Variants in TUSC3 observed in about 807,000 individuals in gnomAD.
TUSC3 encodes tumor suppressor candidate 3.
TUSC3 carries 45 observed loss-of-function variants against 44.8 expected under a neutral mutation model. The ratio of observed to expected loss-of-function variants is 1.00; its 90% CI spans 0.79 to 1.29. The LOEUF is 1.29. Ranked by LOEUF, TUSC3 falls within the 50% of genes most tolerant of loss-of-function variation. TUSC3 has a pLI of 0.00. For synonymous variants in TUSC3, 212 were observed against 152.9 expected (o/e 1.39, Z -2.85); for missense variants, 519 against 437.9 (o/e 1.19, Z -1.65).
At chr8:15,843,625 C>CAT in the TUSC3 span, among the ~76,000 whole-genome samples, 3 of 138,998 alleles carry the variant, frequency 2.2e-5, no homozygotes, top group African/African-American at 9.9e-5. Context: ...TATATATACA[C>CAT]GCACATACAC....
intron 1 of TUSC3, among the ~76,000 whole-genome samples, chr8:15,417,924 G>C (rs1413080247): frequency 6.6e-6 from 1 of 152,154 alleles, no homozygotes; most frequent in African/African-American, 2.4e-5. Flanking sequence ...CGATATTAAT[G>C]AGATGTGGGA....
At chr8:15,474,078 C>T (rs1168911581) in intron 1 of TUSC3, among the ~76,000 whole-genome samples, 1 of 152,148 alleles carries the variant, frequency 6.6e-6, no homozygotes, top group Admixed American at 6.5e-5. Context: ...ATTATTAATA[C>T]TCCTTGCTAG....
At chr8:15,431,380 T>C (rs1233491474) in intron 1 of TUSC3, among the ~76,000 whole-genome samples, 2 of 151,952 alleles carry the variant, frequency 1.3e-5, no homozygotes, top group African/African-American at 4.8e-5. Flanking sequence ...TTAGTTTTCA[T>C]TGTACAAGTC....
intron 2 of TUSC3, among the ~76,000 whole-genome samples, chr8:15,505,920 T>A (rs1397476233): frequency 6.6e-6 from 1 of 152,174 alleles, no homozygotes; most frequent in Non-Finnish European, 1.5e-5. Context: ...CCCAATCTGG[T>A]CATACAAACA....
At chr8:15,797,299 A>C in the TUSC3 span, among the ~76,000 whole-genome samples, 12 of 152,206 alleles carry the variant, frequency 7.9e-5, no homozygotes, top group Non-Finnish European at 1.5e-4. Context: ...CAAGAGAGGT[A>C]CATTCTGTCT....
At chr8:15,558,230 G>A (rs1045671396) in intron 1 of TUSC3, among the ~76,000 whole-genome samples, 2 of 46,304 alleles carry the variant, frequency 4.3e-5, no homozygotes, top group African/African-American at 1.1e-4. Flanking sequence ...GTTGAATTTT[G>A]TCAAAGGCTT....
chr8:15,585,390 A>T (rs1321170080), intron 1 of TUSC3, among the ~76,000 whole-genome samples: 2 of 152,180 alleles, frequency 1.3e-5, no homozygotes, highest in Non-Finnish European at 2.9e-5. Flanking sequence ...TTTTCTCATG[A>T]CCTAGAGAAG....
At chr8:15,849,931 A>C in the TUSC3 span, among the ~76,000 whole-genome samples, 1 of 152,168 alleles carries the variant, frequency 6.6e-6, no homozygotes. Context: ...GGGAAGTTGC[A>C]ATAAAGAAAC....
chr8:15,438,076 T>G (rs1799973209), intron 1 of TUSC3, among the ~76,000 whole-genome samples: 1 of 152,200 alleles, frequency 6.6e-6, no homozygotes, highest in African/African-American at 2.4e-5. Flanking sequence ...TTGTGTTTTT[T>G]TAGCTTTGTT....
the TUSC3 span, among the ~76,000 whole-genome samples, chr8:15,808,582 C>G: frequency 6.6e-6 from 1 of 152,104 alleles, no homozygotes; most frequent in African/African-American, 2.4e-5. Context: ...TCAGACCTGC[C>G]ATCGTTACAT....
intron 1 of TUSC3, among the ~76,000 whole-genome samples, chr8:15,550,772 A>G (rs151025334): frequency 0.024 from 3,683 of 151,560 alleles, 181 homozygotes; most frequent in African/African-American, 0.083. Flanking sequence ...CCCGGGTTCA[A>G]GTGATTCTCG....
At chr8:15,835,539 C>G in the TUSC3 span, among the ~76,000 whole-genome samples, 1 of 151,904 alleles carries the variant, frequency 6.6e-6, no homozygotes, top group Non-Finnish European at 1.5e-5. Flanking sequence ...AAGATTATAA[C>G]TTTTTCTGAG....
intron 7 of TUSC3, chr8:15,733,515 G>T: frequency 3.7e-6 from 1 of 273,722 alleles, no homozygotes; most frequent in South Asian, 3.3e-5. Context: ...AATTCTCCAA[G>T]GTTTAATTTC....
chr8:15,523,690 G>GTATATATATATATA (rs1327611283), intron 2 of TUSC3, among the ~76,000 whole-genome samples: 1,916 of 50,160 alleles, frequency 0.038, 45 homozygotes, highest in Non-Finnish European at 0.054. Context: ...GTGTGTGTGT[G>GTATATATATATATA]TGTGTGTGTG....
the TUSC3 span, among the ~76,000 whole-genome samples, chr8:15,828,479 T>C: frequency 6.6e-6 from 1 of 152,200 alleles, no homozygotes; most frequent in Non-Finnish European, 1.5e-5. Context: ...TACAAGCCAC[T>C]CTTACAACTT....
At chr8:15,456,953 A>G (rs532857126) in intron 1 of TUSC3, among the ~76,000 whole-genome samples, 1 of 152,294 alleles carries the variant, frequency 6.6e-6, no homozygotes, top group Admixed American at 6.5e-5. Flanking sequence ...CCTTTATGAA[A>G]ATAAAGACAA....
intron 6 of TUSC3, among the ~76,000 whole-genome samples, chr8:15,728,309 TGAG>T (rs1327670645): frequency 3.3e-5 from 5 of 152,134 alleles, no homozygotes; most frequent in Non-Finnish European, 7.3e-5. Flanking sequence ...CAAGAGATGA[TGAG>T]TGGCTGGATC....
rs536041330 is a variant in TUSC3 at position 15,550,653 on chromosome 8, A to T, written c.138+10085A>T. Among the ~76,000 whole-genome samples the T allele has an allele frequency of 8.0e-5, 12 of 150,826 alleles. 1 individual carries two copies. The East Asian group carries it at 1.6e-3, about 20-fold the overall frequency. On this transcript the variant is annotated intron_variant, in intron 1 of 10. Coordinates refer to ENST00000503731, the MANE Select transcript of TUSC3 (RefSeq NM_006765.4). ...TCTTTCCTCTGTCTTTTTGTAGCTG[A>T]TCTTTTTTTAATTAGTTAGTTAATT...
intron 6 of TUSC3, among the ~76,000 whole-genome samples, chr8:15,700,060 T>G (rs1809330124): frequency 6.6e-6 from 1 of 152,168 alleles, no homozygotes; most frequent in South Asian, 2.1e-4. Flanking sequence ...TACCCTGTCC[T>G]GTGTGTGTTC....
Sources: gnomAD v4.1 joint callset for allele counts (sites outside exome capture counted in the v4.1 genomes callset) on GRCh38, gnomAD v4.1.1 for gene constraint, MANE v1.5 for transcripts, NCBI Gene and HGNC (gene_info 2026-07-23, HGNC 2026-07-21) for gene names.